Variants in PSAP observed in about 807,000 individuals in gnomAD.
The protein encoded by PSAP is prosaposin, also known as precursor of saposins.
A neutral mutation model predicts 66.0 loss-of-function variants in PSAP; 25 were observed. The observed-to-expected ratio is 0.38, with a 90% CI of 0.28 to 0.53. The LOEUF (loss-of-function observed/expected upper bound fraction) is 0.53. Among genes scored for constraint, PSAP ranks in the 20% least tolerant of loss-of-function variants. The pLI is 0.83. For missense variants in PSAP, 649 were observed against 668.8 expected (o/e 0.97, Z 0.33); for synonymous variants, 273 against 258.9 (o/e 1.05, Z -0.52).
Position 71,833,033 on chromosome 10 carries a change from A to AAC in PSAP, c.175-1114_175-1113insGT, listed in dbSNP as rs1564821820. ...GTCCATCTCAAAAAAAAAAAAAAAC[A>AAC]AAAAACAAAAACAGAAGGCCGGGCC... On this transcript the variant is annotated intron_variant, in intron 2 of 13. Coordinates refer to ENST00000394936, the MANE Select transcript of PSAP (RefSeq NM_002778.4). Among the ~76,000 whole-genome samples, 11 of 122,132 alleles carry AAC rather than the reference A, an allele frequency of 9.0e-5. 1 individual carries two copies. Among genetic ancestry groups the AAC allele is most frequent in the African/African-American group, 2.5e-4 (6 of 24,238 alleles). The allele number at this position is 122,132 out of a possible 152,430, so 80.1% of individuals were successfully genotyped here.
rs1424951324 is a variant in PSAP at position 71,831,910 on chromosome 10, G to C, written c.185C>G (p.Pro62Arg). ...GACAACGTCTTTGCATATGTCGCAG[G>C]GAAGGGATTTCTAAGAGAAAGAATA... Reference protein sequence around the residue: ...VWNKPTVKSLPCDICKDVVTA... With the variant: ...VWNKPTVKSLRCDICKDVVTA... Residue 62 changes from proline (P) to arginine (R), a missense_variant, in exon 3 of 14, where the codon CCC becomes CGC. Coordinates refer to ENST00000394936, the MANE Select transcript of PSAP (RefSeq NM_002778.4). 2 of 1,613,956 alleles carry C rather than the reference G, an allele frequency of 1.2e-6. No homozygotes were observed. Among genetic ancestry groups the C allele is most frequent in the East Asian group, 2.2e-5 (1 of 44,884 alleles).
At chr10:71,838,778 G>C (rs1842675234) in intron 1 of PSAP, among the ~76,000 whole-genome samples, 3 of 151,760 alleles carry the variant, frequency 2.0e-5, no homozygotes, top group Admixed American at 2.0e-4. Context: ...GAGAATGAGT[G>C]GCATCATTAG....
Position 71,819,021 on chromosome 10 carries a change from T to G in PSAP, c.1431+10A>C, listed in dbSNP as rs1188592967. 1 of 1,613,024 alleles carries G rather than the reference T, an allele frequency of 6.2e-7. No homozygotes were observed. The highest frequency in any genetic ancestry group is 1.1e-5 in the South Asian group (1 of 91,014). On this transcript the variant is annotated intron_variant, in intron 12 of 13. Coordinates refer to ENST00000394936, the MANE Select transcript of PSAP (RefSeq NM_002778.4). ...TGCCCGAGAGGACCACACCACCCAG[T>G]GAGGCTCACCAAGCACACGAAGGAA...
chr10:71,822,498 G>T (rs1385627766), intron 7 of PSAP, among the ~76,000 whole-genome samples: 1 of 152,134 alleles, frequency 6.6e-6, no homozygotes, highest in East Asian at 1.9e-4. Context: ...GGGAAATGCT[G>T]GCTTTTTAAA....
chr10:71,823,453 T>A (rs1842343597), intron 7 of PSAP, among the ~76,000 whole-genome samples: 1 of 152,206 alleles, frequency 6.6e-6, no homozygotes, highest in Non-Finnish European at 1.5e-5. Flanking sequence ...AAAACAGCAC[T>A]AAAGACATGC....
chr10:71,822,249 A>C (rs1013881290), intron 7 of PSAP: 5 of 562,808 alleles, frequency 8.9e-6, no homozygotes, highest in Admixed American at 2.9e-5. Flanking sequence ...AAGGAACATC[A>C]AACAGAGTCT....
rs776191919 is a variant in PSAP at position 71,819,702 on chromosome 10, C to A, written c.1192+12G>T. The A allele has an allele frequency of 3.3e-5, 54 of 1,613,984 alleles. No individual in the cohort carries two copies. Among genetic ancestry groups the A allele is most frequent in the Non-Finnish European group, 4.4e-5 (52 of 1,180,042 alleles). On this transcript the variant is annotated intron_variant, in intron 10 of 13. Coordinates refer to ENST00000394936, the MANE Select transcript of PSAP (RefSeq NM_002778.4). ...GGGCACCATCCTCTCCCGCACCACACCCAGCGCTCACCGGTCAGTGCAGGC... is the reference window on the plus strand; with the variant it reads ...GGGCACCATCCTCTCCCGCACCACAACCAGCGCTCACCGGTCAGTGCAGGC...
chr10:71,835,397 T>C (rs970355305), intron 1 of PSAP, among the ~76,000 whole-genome samples: 5 of 151,776 alleles, frequency 3.3e-5, no homozygotes, highest in African/African-American at 7.3e-5. Context: ...CTGGGCAACA[T>C]GGCAAAACCT....
intron 1 of PSAP, among the ~76,000 whole-genome samples, chr10:71,849,624 A>AAAAC (rs200590803): frequency 2.0e-5 from 3 of 152,010 alleles, no homozygotes; most frequent in African/African-American, 4.8e-5. Flanking sequence ...ACAAACAAAC[A>AAAAC]AAACAAACAA....
intron 7 of PSAP, among the ~76,000 whole-genome samples, chr10:71,823,421 A>G (rs1842343120): frequency 6.6e-6 from 1 of 152,272 alleles, no homozygotes; most frequent in South Asian, 2.1e-4. Flanking sequence ...CTCATGCAGC[A>G]GAAGCATTTC....
At chr10:71,851,026 A>C (rs1327540400) in intron 1 of PSAP, among the ~76,000 whole-genome samples, 156 bp downstream of exon 1, 1 of 152,240 alleles carries the variant, frequency 6.6e-6, no homozygotes, top group Non-Finnish European at 1.5e-5. Context: ...GCCCAGAGAA[A>C]GCCAGAGAAA....
chr10:71,828,756 G>C (rs1842447850), intron 5 of PSAP, 121 bp downstream of exon 5: 1 of 1,033,512 alleles, frequency 9.7e-7, no homozygotes, highest in African/African-American at 1.6e-5. Flanking sequence ...TCATGTGACT[G>C]CAGAGTCACG....
At chr10:71,818,514 G>T (rs1292728796) in intron 13 of PSAP, 103 bp downstream of exon 13, 13 of 1,024,732 alleles carry the variant, frequency 1.3e-5, no homozygotes, top group Admixed American at 1.0e-4. Flanking sequence ...TAACATAAAA[G>T]CAGGGTGGAG....
At chr10:71,838,917 T>A (rs1162937575) in intron 1 of PSAP, among the ~76,000 whole-genome samples, 1 of 152,136 alleles carries the variant, frequency 6.6e-6, no homozygotes, top group Non-Finnish European at 1.5e-5. Context: ...CTCCAAGTCT[T>A]CACTCTAACA....
intron 1 of PSAP, among the ~76,000 whole-genome samples, chr10:71,835,349 G>A (rs1466305265): frequency 4.6e-5 from 7 of 152,118 alleles, no homozygotes; most frequent in African/African-American, 1.4e-4. Context: ...TTGAGAGGCC[G>A]AGGTGGGGTC....
At chr10:71,833,857 C>T (rs1842569406) in intron 2 of PSAP, among the ~76,000 whole-genome samples, 1 of 152,242 alleles carries the variant, frequency 6.6e-6, no homozygotes, top group African/African-American at 2.4e-5. Flanking sequence ...TAAATGGCAA[C>T]TGCACTCCAG....
chr10:71,834,377 T>A lies in PSAP; in HGVS notation c.169A>T (p.Thr57Ser), dbSNP rs762427540. ...HCLQTVWNKP[T>S]VKSLPCDICK... ...TGGAGGGCAGCGGCACTCACCACTGTTGGCTTGTTCCAAACGGTCTGCAGG... is the reference window on the plus strand; with the variant it reads ...TGGAGGGCAGCGGCACTCACCACTGATGGCTTGTTCCAAACGGTCTGCAGG... The change falls in exon 2 of 14, where the codon ACA becomes TCA. Residue 57 changes from threonine to serine, a missense_variant. Transcript: ENST00000394936. 4.3e-6 allele frequency: 7 copies of A among 1,613,742 alleles called. 1 individual carries two copies. The South Asian group carries it at 6.6e-5, about 15-fold the overall frequency.
intron 1 of PSAP, among the ~76,000 whole-genome samples, chr10:71,846,237 T>C (rs1487132359): frequency 6.6e-6 from 1 of 152,312 alleles, no homozygotes; most frequent in East Asian, 1.9e-4. Context: ...GTACGGCTAC[T>C]GTCAGCAATG....
rs773142808 is a variant in PSAP at position 71,828,950 on chromosome 10, A to G, written c.503T>C (p.Val168Ala). Residue 168 changes from valine to alanine, a missense_variant, in exon 5 of 14, where the codon GTG (valine) becomes GCG (alanine). By Grantham distance (64) the Val-to-Ala change is moderately conservative (BLOSUM62 0). Coordinates refer to ENST00000394936, the MANE Select transcript of PSAP (RefSeq NM_002778.4). ...AGGGATGTTGGCCATGAAGGGGGCC[A>G]CCACCTCAGTCATGTCCAGCTCTGG... Reference protein sequence around the residue: ...KIPELDMTEVVAPFMANIPLL... With the variant: ...KIPELDMTEVAAPFMANIPLL... 6.2e-7 allele frequency: 1 copy of G among 1,614,138 alleles called. No homozygotes were observed. The highest frequency in any genetic ancestry group is 1.7e-5 in the Admixed American group (1 of 60,024).
Sources: allele counts gnomAD v4.1 joint callset (sites outside exome capture counted in the v4.1 genomes callset), GRCh38; gene constraint gnomAD v4.1.1; transcripts MANE v1.5; gene names NCBI Gene and HGNC (gene_info 2026-07-23, HGNC 2026-07-21).